Variants in SEC23A observed in about 807,000 individuals in gnomAD.
SEC23A encodes protein transport protein Sec23A.
SEC23A carries 56 observed loss-of-function variants against 103.7 expected under a neutral mutation model. The ratio of observed to expected loss-of-function variants is 0.54; its 90% CI spans 0.44 to 0.67. The LOEUF (loss-of-function observed/expected upper bound fraction) is 0.67, where lower values mean the gene tolerates loss of function less well. Among genes scored for constraint, SEC23A ranks in the 30% least tolerant of loss-of-function variants. SEC23A has a pLI of 0.00. For synonymous variants in SEC23A, 281 were observed against 293.0 expected (o/e 0.96, Z 0.42); for missense variants, 784 against 936.4 (o/e 0.84, Z 2.12).
At position 39,051,672 on chromosome 14, in the gene SEC23A, G is replaced by A. The variant is rs551680765; in HGVS notation, c.1660-2943C>T. 2.6e-5 allele frequency among the ~76,000 whole-genome samples: 4 copies of A among 152,124 alleles called. No individual in the cohort carries two copies. In the South Asian group the frequency reaches 8.3e-4, roughly 32 times the overall value. ...TGAAATACTATGCAGCCATAAGAAG[G>A]AACAAGACTAGCCGGGCGTGGTGGT... On this transcript the variant is annotated intron_variant, in intron 14 of 19. Transcript: ENST00000307712.
At chr14:39,098,556 G>A (rs1313809499) in intron 1 of SEC23A, among the ~76,000 whole-genome samples, 2 of 152,076 alleles carry the variant, frequency 1.3e-5, no homozygotes, top group East Asian at 1.9e-4. Context: ...CCAGCGGATC[G>A]CTTGAGGTAG....
At chr14:39,059,300 AAAAAAAAAAAC>A (rs1566491569) in intron 13 of SEC23A, among the ~76,000 whole-genome samples, 4 of 100,820 alleles carry the variant, frequency 4.0e-5, no homozygotes, top group African/African-American at 7.3e-5. Context: ...AAAAAAAAAA[AAAAAAAAAAAC>A]AACAAGGTGC....
Position 39,096,019 on chromosome 14 carries a change from T to C in SEC23A, c.100A>G (p.Met34Val). 6.2e-7 allele frequency: 1 copy of C among 1,614,090 alleles called. No homozygotes were observed. Among genetic ancestry groups the C allele is most frequent in the Non-Finnish European group, 8.5e-7 (1 of 1,179,982 alleles). ...WPSSRLEATR[M>V]VVPVAALFTP... Reference sequence around the variant, plus strand: ...AACAGGGCTGCCACAGGAACAACCATTCTTGTAGCTTCCAGTCGACTTGAT... The same window carrying C: ...AACAGGGCTGCCACAGGAACAACCACTCTTGTAGCTTCCAGTCGACTTGAT... The change falls in exon 2 of 20, where the codon ATG becomes GTG. Residue 34 changes from methionine to valine, a missense_variant. By Grantham distance (21) the Met-to-Val change is conservative. Around this residue, in one of 2 missense-constraint regions of SEC23A, gnomAD observed 683 missense variants for 774.2 expected, o/e 0.88. Transcript: ENST00000307712.
At position 39,058,323 on chromosome 14, in the gene SEC23A, C is replaced by T. The variant is rs148453460; in HGVS notation, c.1506-3027G>A. Among the ~76,000 whole-genome samples, 1,347 of 150,362 alleles carry T rather than the reference C, an allele frequency of 9.0e-3. 22 individuals are homozygous for T. The highest frequency in any genetic ancestry group is 0.032 in the African/African-American group (1,289 of 40,878). On this transcript the variant is annotated intron_variant, in intron 13 of 19. Transcript: ENST00000307712. ...TTTTAATTTTTTTTATTTTTTGAGA[C>T]GGAGTCTCGCTCTGTCGCCCAGGCT... is the stretch of plus-strand genomic sequence containing the variant.
At chr14:39,081,229 A>G (rs1027915885) in intron 7 of SEC23A, among the ~76,000 whole-genome samples, 8 of 151,766 alleles carry the variant, frequency 5.3e-5, no homozygotes, top group South Asian at 4.2e-4. Context: ...AAACACACAC[A>G]CATCAAGGTA....
At chr14:39,038,106 C>G (rs1307905070) in intron 19 of SEC23A, among the ~76,000 whole-genome samples, 1 of 152,212 alleles carries the variant, frequency 6.6e-6, no homozygotes, top group Non-Finnish European at 1.5e-5. Context: ...CAACACATTT[C>G]CGTTTTATGT....
chr14:39,061,799 G>T lies in SEC23A; in HGVS notation c.1471C>A (p.Gln491Lys), dbSNP rs755087647. Residue 491 changes from glutamine to lysine, a missense_variant, in exon 13 of 20, where the codon CAG becomes AAG. Gln to Lys is a moderately conservative substitution (Grantham distance 53). This residue lies in a region of SEC23A where 683 missense variants were observed against 774.2 expected (regional missense o/e 0.88). Coordinates refer to ENST00000307712, the MANE Select transcript of SEC23A (RefSeq NM_006364.4). Reference sequence around the variant, plus strand: ...ATGGTGGTCACTCGGATGCGTCTCTGCCCACTTGAATGCTGATACTGAGTC... The same window carrying T: ...ATGGTGGTCACTCGGATGCGTCTCTTCCCACTTGAATGCTGATACTGAGTC... ...FVTQYQHSSGQRRIRVTTIAR... is the reference protein window; with the variant it reads ...FVTQYQHSSGKRRIRVTTIAR... The T allele has an allele frequency of 1.9e-6, 3 of 1,613,430 alleles. No individual in the cohort carries two copies. The highest frequency in any genetic ancestry group is 2.5e-6 in the Non-Finnish European group (3 of 1,179,392).
At chr14:39,053,548 A>G (rs1490375658) in intron 14 of SEC23A, among the ~76,000 whole-genome samples, 2 of 151,796 alleles carry the variant, frequency 1.3e-5, no homozygotes, top group African/African-American at 4.8e-5. Flanking sequence ...TAATATTGTC[A>G]TAATGCTGCT....
intron 7 of SEC23A, among the ~76,000 whole-genome samples, chr14:39,079,905 T>G (rs1025064757): frequency 6.6e-6 from 1 of 152,168 alleles, no homozygotes; most frequent in African/African-American, 2.4e-5. Context: ...TTCTACTTAT[T>G]TGTATATACC....
At chr14:39,091,804 A>C (rs573466872) in intron 4 of SEC23A, 91 bp from the exon 5 acceptor site, 1 of 867,802 alleles carries the variant, frequency 1.2e-6, no homozygotes, top group Admixed American at 1.8e-5. Context: ...TAACGAATAC[A>C]AAAGAATCCT....
At chr14:39,082,800 TGAATCAAATTACGA>T (rs1164578238) in intron 7 of SEC23A, among the ~76,000 whole-genome samples, 22 of 152,152 alleles carry the variant, frequency 1.4e-4, no homozygotes, top group African/African-American at 5.3e-4. Flanking sequence ...ATGCAAGACC[TGAATCAAATTACGA>T]GAATACTTCA....
intron 2 of SEC23A, 90 bp from the exon 3 acceptor site, chr14:39,093,334 A>T: frequency 9.3e-7 from 1 of 1,071,508 alleles, no homozygotes; most frequent in South Asian, 1.4e-5. Context: ...ATTTCTTCCT[A>T]AAACATGAAC....
At chr14:39,034,922 A>T (rs187090069) in intron 19 of SEC23A, among the ~76,000 whole-genome samples, 51 of 152,312 alleles carry the variant, frequency 3.3e-4, no homozygotes, top group Admixed American at 1.6e-3. Flanking sequence ...AATACTTATC[A>T]TAGGGTCCTT....
At position 39,040,777 on chromosome 14, in the gene SEC23A, T is replaced by C. The variant is rs1214889844; in HGVS notation, c.2097A>G (p.Arg699=). The C allele has an allele frequency of 2.5e-6, 4 of 1,614,086 alleles. No individual in the cohort carries two copies. Among genetic ancestry groups the C allele is most frequent in the African/African-American group, 2.7e-5 (2 of 74,934 alleles). ...VDDAQEILHS[R]FPMPRYIDTE... is the part of the protein sequence containing the mutation. The stretch of plus-strand genomic sequence containing the variant: ...TGTCAATGTATCTTGGCATTGGAAA[T>C]CTGGAGTGAAGAATTTCCTGTGCAT... The change falls in exon 18 of 20, where the codon AGA becomes AGG. Residue 699 remains arginine, a synonymous_variant. Transcript: ENST00000307712.
At chr14:39,075,578 G>C (rs936989817) in intron 8 of SEC23A, among the ~76,000 whole-genome samples, 1 of 151,990 alleles carries the variant, frequency 6.6e-6, no homozygotes. Flanking sequence ...CATATCTAAA[G>C]GAAAAATTAA....
intron 5 of SEC23A, 173 bp downstream of exon 5, chr14:39,091,304 T>G (rs1887654171): frequency 3.2e-6 from 2 of 615,546 alleles, no homozygotes; most frequent in Admixed American, 2.9e-5. Flanking sequence ...GTATAACAAT[T>G]TAAGGCACAT....
chr14:39,066,231 G>C (rs758635637), intron 10 of SEC23A, among the ~76,000 whole-genome samples: 1 of 151,722 alleles, frequency 6.6e-6, no homozygotes, highest in Non-Finnish European at 1.5e-5. Context: ...ATATCCCTAG[G>C]CATCTCTGTA....
intron 9 of SEC23A, among the ~76,000 whole-genome samples, chr14:39,068,079 A>G (rs1886733857): frequency 6.6e-6 from 1 of 152,150 alleles, no homozygotes; most frequent in Non-Finnish European, 1.5e-5. Flanking sequence ...GAAAATTGAG[A>G]GTATTTTCAC....
intron 16 of SEC23A, among the ~76,000 whole-genome samples, chr14:39,043,986 G>T (rs1341570241): frequency 1.3e-5 from 2 of 152,112 alleles, no homozygotes; most frequent in African/African-American, 4.8e-5. Context: ...AGAGAAATGG[G>T]GTGGCAGTTA....
Sources: gnomAD v4.1 joint callset for allele counts (sites outside exome capture counted in the v4.1 genomes callset) on GRCh38, gnomAD v4.1.1 for gene constraint, gnomAD v4.1.1 regional missense constraint, MANE v1.5 for transcripts, NCBI Gene and HGNC (gene_info 2026-07-23, HGNC 2026-07-21) for gene names.